Variants in XKR6 observed in about 807,000 individuals in gnomAD.
The protein encoded by XKR6 is XK related 6.
XKR6 carries 22 observed loss-of-function variants against 56.7 expected under a neutral mutation model. The observed-to-expected ratio is 0.39, with a 90% CI of 0.28 to 0.55. XKR6 has a LOEUF of 0.55. Among genes scored for constraint, XKR6 ranks in the 20% least tolerant of loss-of-function variants. The pLI is 0.66. For missense variants in XKR6, 852 were observed against 889.0 expected (o/e 0.96, Z 0.53); for synonymous variants, 524 against 387.8 (o/e 1.35, Z -4.13).
chr8:11,106,985 G>A (rs888762847), intron 1 of XKR6, among the ~76,000 whole-genome samples: 1 of 152,046 alleles, frequency 6.6e-6, no homozygotes, highest in Non-Finnish European at 1.5e-5. Context: ...GAAATCAAGG[G>A]CAGCAAGTGA....
At chr8:11,072,193 T>G (rs189635094) in intron 1 of XKR6, among the ~76,000 whole-genome samples, 84 of 151,526 alleles carry the variant, frequency 5.5e-4, no homozygotes, top group Non-Finnish European at 8.9e-4. Context: ...CCCTCTCTGT[T>G]TTGATAAGGT....
At chr8:11,116,644 T>TA (rs1024188494) in intron 1 of XKR6, among the ~76,000 whole-genome samples, 2 of 152,120 alleles carry the variant, frequency 1.3e-5, no homozygotes, top group African/African-American at 4.8e-5. Flanking sequence ...GTGCTGGGAT[T>TA]ACAGGCAGGA....
At chr8:11,040,062 G>A (rs1002366917) in intron 1 of XKR6, among the ~76,000 whole-genome samples, 4 of 152,164 alleles carry the variant, frequency 2.6e-5, no homozygotes, top group African/African-American at 9.7e-5. Flanking sequence ...GGGAGGTGAG[G>A]AAGCAAGAAG....
chr8:10,966,652 C>T (rs1055577874), intron 1 of XKR6, among the ~76,000 whole-genome samples: 1 of 152,054 alleles, frequency 6.6e-6, no homozygotes, highest in Non-Finnish European at 1.5e-5. Context: ...CCAGCCTGGA[C>T]CACAGAGTGA....
chr8:11,130,230 GTTTAA>G (rs1800038000), intron 1 of XKR6, among the ~76,000 whole-genome samples: 1 of 152,086 alleles, frequency 6.6e-6, no homozygotes, highest in East Asian at 1.9e-4. Context: ...TCAGTTTACA[GTTTAA>G]TTTTTTTTAA....
At chr8:11,195,509 T>G (rs1803829410) in intron 1 of XKR6, among the ~76,000 whole-genome samples, 1 of 152,228 alleles carries the variant, frequency 6.6e-6, no homozygotes, top group Non-Finnish European at 1.5e-5. Flanking sequence ...TTGGTCTAAT[T>G]ATTGACACAT....
At chr8:10,943,830 C>G (rs902115701) in intron 1 of XKR6, among the ~76,000 whole-genome samples, 5 of 152,146 alleles carry the variant, frequency 3.3e-5, no homozygotes, top group Non-Finnish European at 5.9e-5. Flanking sequence ...CCTTCTCATT[C>G]ACTCCTGTCC....
chr8:11,102,522 C>A (rs1798521942), intron 1 of XKR6, among the ~76,000 whole-genome samples: 1 of 152,098 alleles, frequency 6.6e-6, no homozygotes, highest in African/African-American at 2.4e-5. Context: ...AGACAGGAAG[C>A]AAGAATGGAA....
intron 1 of XKR6, among the ~76,000 whole-genome samples, chr8:10,999,552 G>A (rs1415490476): frequency 6.6e-6 from 1 of 152,128 alleles, no homozygotes; most frequent in African/African-American, 2.4e-5. Flanking sequence ...CCAGATTCTA[G>A]TTTCAGAAAA....
At chr8:11,095,755 G>C (rs948692345) in intron 1 of XKR6, among the ~76,000 whole-genome samples, 5 of 152,156 alleles carry the variant, frequency 3.3e-5, no homozygotes, top group African/African-American at 4.8e-5. Flanking sequence ...AGTGGATCTG[G>C]GATATGACCC....
intron 1 of XKR6, among the ~76,000 whole-genome samples, chr8:11,197,157 C>A (rs1425833376): frequency 1.3e-5 from 2 of 152,188 alleles, no homozygotes; most frequent in Non-Finnish European, 2.9e-5. Flanking sequence ...CACTGACGAT[C>A]CTCTTAAATA....
At chr8:10,907,620 T>C (rs979776433) in intron 2 of XKR6, among the ~76,000 whole-genome samples, 2 of 152,234 alleles carry the variant, frequency 1.3e-5, no homozygotes, top group African/African-American at 4.8e-5. Context: ...AATTTGAATA[T>C]AGGCTTGTCT....
intron 1 of XKR6, among the ~76,000 whole-genome samples, chr8:10,931,993 A>C (rs1162324055): frequency 2.0e-5 from 3 of 152,226 alleles, no homozygotes; most frequent in African/African-American, 4.8e-5. Context: ...CTTAAAGCTC[A>C]CTAGAAAAAA....
chr8:10,978,527 T>G (rs1259410318), intron 1 of XKR6, among the ~76,000 whole-genome samples: 1 of 152,192 alleles, frequency 6.6e-6, no homozygotes, highest in Non-Finnish European at 1.5e-5. Context: ...ATTTTATCAC[T>G]TGGGCTTTTT....
At chr8:11,138,922 TAA>T (rs398067574) in intron 1 of XKR6, among the ~76,000 whole-genome samples, 19,562 of 137,012 alleles carry the variant, frequency 0.14, 2,599 homozygotes, top group African/African-American at 0.37. Context: ...ACCGGCAGAA[TAA>T]AAAAAAAAAA....
At chr8:11,131,187 G>C (rs557051340) in intron 1 of XKR6, among the ~76,000 whole-genome samples, 31 of 152,096 alleles carry the variant, frequency 2.0e-4, no homozygotes, top group Non-Finnish European at 3.8e-4. Flanking sequence ...ATCTCAGTGA[G>C]CCTCTTTCAT....
chr8:10,910,746 C>T (rs1244441352), intron 2 of XKR6, among the ~76,000 whole-genome samples: 1 of 152,206 alleles, frequency 6.6e-6, no homozygotes, highest in Non-Finnish European at 1.5e-5. Context: ...CCCCCTGCTT[C>T]ACTTGTCTGT....
At chr8:11,048,517 A>G (rs1799465683) in intron 1 of XKR6, among the ~76,000 whole-genome samples, 1 of 152,188 alleles carries the variant, frequency 6.6e-6, no homozygotes, top group Non-Finnish European at 1.5e-5. Context: ...AGCGTGTGTT[A>G]AAAATACAGG....
chr8:10,945,267 C>T (rs1423392405), intron 1 of XKR6, among the ~76,000 whole-genome samples: 16 of 152,294 alleles, frequency 1.1e-4, no homozygotes, highest in Admixed American at 2.0e-4. Flanking sequence ...GCGGATCACA[C>T]GAGGTCGGGA....
Sources: gnomAD v4.1 joint callset for allele counts (sites outside exome capture counted in the v4.1 genomes callset) on GRCh38, gnomAD v4.1.1 for gene constraint, MANE v1.5 for transcripts, NCBI Gene and HGNC (gene_info 2026-07-23, HGNC 2026-07-21) for gene names.